The following HMCN2 variants were observed in gnomAD, a reference collection of about 807,000 sequenced individuals.
HMCN2 encodes the protein hemicentin-2.
HMCN2 carries 325 observed loss-of-function variants against 377.5 expected under a neutral mutation model. The observed-to-expected ratio is 0.86, with a 90% CI of 0.79 to 0.94. HMCN2 has a LOEUF of 0.94. HMCN2 is among the 40% of genes least tolerant of loss of function. The pLI, the probability that HMCN2 is intolerant of heterozygous loss-of-function variation, is 0.00. For synonymous variants in HMCN2, 2,007 were observed against 2,046.8 expected (o/e 0.98, Z 0.53); for missense variants, 4,543 against 4,725.3 (o/e 0.96, Z 1.13).
intron 1 of HMCN2, among the ~76,000 whole-genome samples, chr9:130,272,659 C>G (rs1834465170): frequency 6.6e-6 from 1 of 152,154 alleles, no homozygotes; most frequent in Admixed American, 6.5e-5. Flanking sequence ...GGTGATCCTC[C>G]CACTTCACCC....
At chr9:130,334,653 A>G (rs1219907700) in intron 22 of HMCN2, among the ~76,000 whole-genome samples, 1 of 148,194 alleles carries the variant, frequency 6.7e-6, no homozygotes, top group African/African-American at 2.5e-5. Context: ...CTGGAGGGCA[A>G]CTTCTCAGAT....
Position 130,376,644 on chromosome 9 carries a change from T to A in HMCN2, c.8047T>A (p.Tyr2683Asn), listed in dbSNP as rs952415479. The A allele has an allele frequency of 6.1e-6, 6 of 985,688 alleles. No homozygotes were observed. The highest frequency in any genetic ancestry group is 7.2e-6 in the Non-Finnish European group (6 of 829,986). The allele number at this position is 985,688 out of a possible 1,614,324, so 61.1% of individuals were successfully genotyped here. The part of the protein sequence containing the change: ...WAVPPPTIRW[Y>N]KDGQPVTPSS... Reference sequence around the variant, plus strand: ...TGTGCCCCCGCCCACCATCCGCTGGTACAAGGATGGACAGGTGAGTTTGGG... The same window carrying A: ...TGTGCCCCCGCCCACCATCCGCTGGAACAAGGATGGACAGGTGAGTTTGGG... The change falls in exon 52 of 98, where the codon TAC becomes AAC. Residue 2683 changes from tyrosine (Y) to asparagine (N), a missense_variant. By Grantham distance (143) the Tyr-to-Asn change is moderately radical (BLOSUM62 -2). Around this residue, in one of 5 missense-constraint regions of HMCN2, gnomAD observed 736 missense variants for 773.2 expected, o/e 0.95. Transcript: ENST00000683500.
intron 1 of HMCN2, among the ~76,000 whole-genome samples, chr9:130,268,555 G>A (rs1332237221): frequency 2.0e-5 from 3 of 149,338 alleles, no homozygotes; most frequent in Non-Finnish European, 4.5e-5. Flanking sequence ...CTGGCCATGG[G>A]CCAGTAAGCA....
At chr9:130,390,250 C>A (rs1013033139) in intron 62 of HMCN2, among the ~76,000 whole-genome samples, 1 of 152,172 alleles carries the variant, frequency 6.6e-6, no homozygotes, top group South Asian at 2.1e-4. Context: ...AAGCCCTCCC[C>A]CACCCTTCCT....
Position 130,362,962 on chromosome 9 carries a change from C to T in HMCN2, c.6204C>T (p.Asp2068=). 1.0e-6 allele frequency: 1 copy of T among 985,876 alleles called. No homozygotes were observed. Among genetic ancestry groups the T allele is most frequent in the Non-Finnish European group, 1.2e-6 (1 of 829,978 alleles). 61.1% of individuals were successfully genotyped at this position (985,876 alleles called of 1,614,324 possible). The change falls in exon 40 of 98, where the codon GAC becomes GAT. Residue 2068 remains aspartate (D), a synonymous_variant. Transcript: ENST00000683500. The part of the protein sequence containing the change: ...SCVAVSAVGE[D]RQDVVLQVHM... ...TGGCTGTGAGCGCGGTGGGCGAGGACCGCCAGGATGTTGTCCTGCAAGTCC... is the reference window on the plus strand; with the variant it reads ...TGGCTGTGAGCGCGGTGGGCGAGGATCGCCAGGATGTTGTCCTGCAAGTCC...
chr9:130,311,739 G>C (rs1837250508), intron 15 of HMCN2, among the ~76,000 whole-genome samples: 1 of 152,170 alleles, frequency 6.6e-6, no homozygotes, highest in African/African-American at 2.4e-5. Flanking sequence ...CGTGACAAGA[G>C]AAGTGAGGCA....
Position 130,266,099 on chromosome 9 carries a change from C to G in HMCN2, c.221C>G (p.Ala74Gly), listed in dbSNP as rs903186597. ...CGCAGTCTGAGCCGCCGCAGCCAGG[C>G]CATCGCCAACTACGCGCTGGTGCCC... Reference protein sequence around the residue: ...LERSLSRRSQAIANYALVPFH... With the variant: ...LERSLSRRSQGIANYALVPFH... Residue 74 changes from alanine (A) to glycine (G), a missense_variant, in exon 1 of 98, where the codon GCC becomes GGC. By Grantham distance (60) the Ala-to-Gly change is moderately conservative. Transcript: ENST00000683500. 5 of 469,580 alleles carry G rather than the reference C, an allele frequency of 1.1e-5. No homozygotes were observed. Among genetic ancestry groups the G allele is most frequent in the Non-Finnish European group, 2.2e-5 (5 of 227,026 alleles). 29.1% of individuals were successfully genotyped at this position (469,580 alleles called of 1,614,324 possible). A position where few individuals can be genotyped will look rare whatever the true frequency, so the allele number is the denominator to read the frequency against.
chr9:130,362,032 C>G lies in HMCN2; in HGVS notation c.5975C>G (p.Pro1992Arg), dbSNP rs145957120. Residue 1992 changes from proline (P) to arginine (R), a missense_variant, in exon 39 of 98, where the codon CCC (proline) becomes CGC (arginine). Physicochemically the swap from Pro to Arg is moderately radical, Grantham distance 103. Around this residue, in one of 5 missense-constraint regions of HMCN2, gnomAD observed 1,032 missense variants for 1,285.1 expected, o/e 0.80. Transcript: ENST00000683500. ...GTGCCCCCTCGAATCACACTGCCAC[C>G]CAGCCTGCCAGGCCCTGTGTTGGTC... is the stretch of plus-strand genomic sequence containing the variant. ...VNVPPRITLP[P>R]SLPGPVLVNT... The G allele has an allele frequency of 5.1e-6, 5 of 986,144 alleles. No homozygotes were observed. In the East Asian group the frequency reaches 4.5e-4, roughly 89 times the overall value. 61.1% of individuals were successfully genotyped at this position (986,144 alleles called of 1,614,324 possible). A position where few individuals can be genotyped will look rare whatever the true frequency, so the allele number is the denominator to read the frequency against.
In HMCN2 at chr9:130,267,476, A is replaced by ACACGCGCG. The variant is rs1265312371; in HGVS notation, c.259+1340_259+1341insACGCGCGC. On this transcript the variant is annotated intron_variant, in intron 1 of 97. Transcript: ENST00000683500. ...CACACACACACACACACACACACAC[A>ACACGCGCG]CGCACAGATTCCTTGCTAAATTGTA... 2.7e-5 allele frequency among the ~76,000 whole-genome samples: 4 copies of ACACGCGCG among 149,934 alleles called. No individual in the cohort carries two copies. In the East Asian group the frequency reaches 7.9e-4, roughly 29 times the overall value.
intron 79 of HMCN2, 37 bp from the exon 80 acceptor site, chr9:130,403,704 A>G: frequency 1.6e-6 from 2 of 1,285,042 alleles, no homozygotes; most frequent in Non-Finnish European, 2.0e-6. Context: ...CCCCAGTCCC[A>G]GTTCCCAGGC....
In HMCN2 at chr9:130,378,991, A is replaced by G. The variant is rs372638775; in HGVS notation, c.8213-258A>G. Among the ~76,000 whole-genome samples the G allele has an allele frequency of 1.1e-4, 16 of 152,178 alleles. No individual in the cohort carries two copies. The East Asian group carries it at 2.1e-3, about 20-fold the overall frequency. The stretch of plus-strand genomic sequence containing the variant: ...GCTTCCAACTGTGAAAAATATTTCC[A>G]TGTTACAGGGAGTCTTTAGCGTCCA... On this transcript the variant is annotated intron_variant, in intron 53 of 97. Coordinates refer to ENST00000683500, the MANE Select transcript of HMCN2 (RefSeq NM_001291815.2).
chr9:130,418,954 G>A lies in HMCN2; in HGVS notation c.13144G>A (p.Val4382Met), dbSNP rs532816418. 3.5e-5 allele frequency: 53 copies of A among 1,535,398 alleles called. No individual in the cohort carries two copies. Among genetic ancestry groups the A allele is most frequent in the South Asian group, 1.1e-4 (9 of 82,318 alleles). ...CGATGGGAGCCTGTGGCTGGAGAAC[G>A]TGGAGACTGGGGATGCAGGCACCTA... ...LPDGSLWLEN[V>M]ETGDAGTYDC... is the part of the protein sequence containing the mutation. The change falls in exon 86 of 98, where the codon GTG becomes ATG. Residue 4382 changes from valine (V) to methionine (M), a missense_variant. By Grantham distance (21) the Val-to-Met change is conservative. This residue lies in a region of HMCN2 where 1,155 missense variants were observed against 1,157.7 expected (regional missense o/e 1.00). Transcript: ENST00000683500.
At chr9:130,335,413 C>G (rs2131454330) in intron 22 of HMCN2, among the ~76,000 whole-genome samples, 1 of 152,198 alleles carries the variant, frequency 6.6e-6, no homozygotes, top group East Asian at 1.9e-4. Flanking sequence ...AAATGTTTAC[C>G]CATTGCCAGG....
At chr9:130,330,665 T>A (rs1838378757) in intron 22 of HMCN2, among the ~76,000 whole-genome samples, 1 of 152,150 alleles carries the variant, frequency 6.6e-6, no homozygotes, top group African/African-American at 2.4e-5. Context: ...GCCGTGAAGT[T>A]CTGAGCCGCC....
chr9:130,413,498 C>A, intron 85 of HMCN2, among the ~76,000 whole-genome samples: 1 of 152,188 alleles, frequency 6.6e-6, no homozygotes, highest in Admixed American at 6.5e-5. Context: ...GGTATAGATG[C>A]ACTTCTCCCT....
chr9:130,293,503 C>A (rs1554930831), intron 4 of HMCN2, among the ~76,000 whole-genome samples: 1 of 151,684 alleles, frequency 6.6e-6, no homozygotes, highest in Non-Finnish European at 1.5e-5. Flanking sequence ...TGAAGGGGCT[C>A]CCTTCCTCTC....
chr9:130,320,444 T>C lies in HMCN2; in HGVS notation c.2640T>C (p.Thr880=), dbSNP rs1377774885. The C allele has an allele frequency of 6.6e-6, 1 of 152,380 alleles. No individual in the cohort carries two copies. The highest frequency in any genetic ancestry group is 2.4e-5 in the African/African-American group (1 of 41,442). The allele number at this position is 152,380 out of a possible 1,614,324, so 9.4% of individuals were successfully genotyped here. A position where few individuals can be genotyped will look rare whatever the true frequency, so the allele number is the denominator to read the frequency against. The part of the protein sequence containing the change: ...KVQAEARLIV[T]GHAPPQIASS... ...AGGCTGAGGCCCGGCTCATCGTCACTGGTCACGGTTCGCTGGTGGATCTGA... is the reference window on the plus strand; with the variant it reads ...AGGCTGAGGCCCGGCTCATCGTCACCGGTCACGGTTCGCTGGTGGATCTGA... The change falls in exon 17 of 98, where the codon ACT becomes ACC. Residue 880 remains threonine, a synonymous_variant. Coordinates refer to ENST00000683500, the MANE Select transcript of HMCN2 (RefSeq NM_001291815.2).
intron 1 of HMCN2, among the ~76,000 whole-genome samples, chr9:130,270,676 A>G (rs891272525): frequency 1.3e-5 from 2 of 149,158 alleles, no homozygotes; most frequent in East Asian, 3.9e-4. Context: ...TAAATGTAGC[A>G]TAGTAATGTA....
At chr9:130,419,151 C>A in intron 86 of HMCN2, 110 bp downstream of exon 86, 2 of 1,110,092 alleles carry the variant, frequency 1.8e-6, no homozygotes, top group Non-Finnish European at 2.4e-6. Flanking sequence ...AGCTCCCCAC[C>A]TCTTCCCTTT....
Sources: gnomAD v4.1 joint callset for allele counts (sites outside exome capture counted in the v4.1 genomes callset) on GRCh38, gnomAD v4.1.1 for gene constraint, gnomAD v4.1.1 regional missense constraint, MANE v1.5 for transcripts, NCBI Gene and HGNC (gene_info 2026-07-23, HGNC 2026-07-21) for gene names.